KCNC2: variants seen among roughly 807,000 people sequenced by gnomAD.
KCNC2 encodes potassium voltage-gated channel subfamily C member 2.
In KCNC2, 21 loss-of-function variants were observed where a neutral mutation model predicts 44.5. The ratio of observed to expected loss-of-function variants is 0.47; its 90% CI spans 0.33 to 0.68. The LOEUF (loss-of-function observed/expected upper bound fraction) is 0.68, where lower values mean the gene tolerates loss of function less well. KCNC2 is among the 30% of genes least tolerant of loss of function. The probability of loss-of-function intolerance (pLI) is 0.01; values close to 1 mark genes in which losing one functional copy is unlikely to be tolerated. For missense variants in KCNC2, 589 were observed against 826.2 expected (o/e 0.71, Z 3.52); for synonymous variants, 391 against 339.1 (o/e 1.15, Z -1.68).
chr12:75,208,599 C>T (rs2031902778), intron 1 of KCNC2, among the ~76,000 whole-genome samples: 1 of 146,582 alleles, frequency 6.8e-6, no homozygotes, highest in Admixed American at 6.8e-5. Flanking sequence ...GTGAAGAGCC[C>T]GGATTCCACA....
At chr12:75,167,570 T>C (rs929397829) in intron 2 of KCNC2, among the ~76,000 whole-genome samples, 2 of 151,346 alleles carry the variant, frequency 1.3e-5, no homozygotes, top group African/African-American at 4.8e-5. Context: ...ATTTAATGTT[T>C]ATAAAATCCA....
intron 2 of KCNC2, among the ~76,000 whole-genome samples, chr12:75,189,742 G>T (rs2030012525): frequency 6.6e-6 from 1 of 152,142 alleles, no homozygotes; most frequent in Admixed American, 6.5e-5. Context: ...AATGGTATCA[G>T]GAATGTTGTC....
chr12:75,156,506 A>C (rs1224196314), intron 2 of KCNC2, among the ~76,000 whole-genome samples: 1 of 151,820 alleles, frequency 6.6e-6, no homozygotes, highest in African/African-American at 2.4e-5. Flanking sequence ...CCCATTACAG[A>C]AAAAGTGTAT....
At chr12:75,139,489 G>C (rs147907675) in intron 2 of KCNC2, among the ~76,000 whole-genome samples, 2 of 152,176 alleles carry the variant, frequency 1.3e-5, no homozygotes, top group Admixed American at 1.3e-4. Flanking sequence ...TGGAGATCAC[G>C]TTTGAGGATG....
At chr12:75,049,475 T>C (rs774991616) in intron 3 of KCNC2, among the ~76,000 whole-genome samples, 14 of 152,142 alleles carry the variant, frequency 9.2e-5, no homozygotes, top group Admixed American at 3.3e-4. Context: ...CAAAATATTT[T>C]ACCTGTACCA....
intron 2 of KCNC2, among the ~76,000 whole-genome samples, chr12:75,129,639 T>A (rs1392378029): frequency 1.3e-5 from 2 of 152,062 alleles, no homozygotes; most frequent in African/African-American, 4.8e-5. Context: ...GATGAGAAAG[T>A]AGAAACTGTA....
intron 2 of KCNC2, among the ~76,000 whole-genome samples, chr12:75,161,728 A>T (rs2137528545): frequency 6.6e-6 from 1 of 151,858 alleles, no homozygotes; most frequent in East Asian, 1.9e-4. Flanking sequence ...GCTCCCCTTC[A>T]GAGTCATGCA....
At chr12:75,172,791 G>A (rs79100218) in intron 2 of KCNC2, among the ~76,000 whole-genome samples, 1,696 of 151,920 alleles carry the variant, frequency 0.011, 35 homozygotes, top group African/African-American at 0.038. Flanking sequence ...CAACCGCAAG[G>A]CTACTATTCT....
intron 2 of KCNC2, among the ~76,000 whole-genome samples, chr12:75,201,775 T>G (rs542282827): frequency 7.9e-5 from 12 of 152,028 alleles, no homozygotes; most frequent in African/African-American, 2.9e-4. Flanking sequence ...AAAGAATATT[T>G]TGACTGCTCT....
rs144426503 is a variant in KCNC2, at chr12:75,128,535, A to T, written c.688-77218T>A. On this transcript the variant is annotated intron_variant, in intron 2 of 4. Transcript: ENST00000549446. Reference sequence around the variant, plus strand: ...AATTCTTTGTTCCCAAAGACAGCAGAGCATATTTGCACATCAGGATTTTTA... The same window carrying T: ...AATTCTTTGTTCCCAAAGACAGCAGTGCATATTTGCACATCAGGATTTTTA... Among the ~76,000 whole-genome samples, 609 of 152,252 alleles carry T rather than the reference A, an allele frequency of 4.0e-3. 7 individuals carry two copies. The highest frequency in any genetic ancestry group is 0.013 in the African/African-American group (558 of 41,550).
chr12:75,110,637 C>A (rs1053670438), intron 2 of KCNC2, among the ~76,000 whole-genome samples: 4 of 152,026 alleles, frequency 2.6e-5, no homozygotes, highest in Admixed American at 1.3e-4. Context: ...ATAAGTAGAT[C>A]TATATGGATG....
chr12:75,156,068 G>T (rs1890735687), intron 2 of KCNC2, among the ~76,000 whole-genome samples: 1 of 151,754 alleles, frequency 6.6e-6, no homozygotes, highest in African/African-American at 2.4e-5. Flanking sequence ...AGAGAAAGTT[G>T]TCTATTTCTA....
At chr12:75,154,963 G>T (rs1890656822) in intron 2 of KCNC2, among the ~76,000 whole-genome samples, 1 of 151,906 alleles carries the variant, frequency 6.6e-6, no homozygotes, top group African/African-American at 2.4e-5. Flanking sequence ...CTATAGAAAA[G>T]TATTTTTCAA....
chr12:75,074,370 G>A (rs1883717935), intron 2 of KCNC2, among the ~76,000 whole-genome samples: 1 of 151,346 alleles, frequency 6.6e-6, no homozygotes, highest in African/African-American at 2.4e-5. Context: ...CAGTGAAGAG[G>A]GTAGAAGAAA....
chr12:75,123,476 A>G (rs1888184714), intron 2 of KCNC2, among the ~76,000 whole-genome samples: 1 of 152,194 alleles, frequency 6.6e-6, no homozygotes, highest in South Asian at 2.1e-4. Flanking sequence ...CTCCTTTAGA[A>G]CTGAACAGGC....
At chr12:75,092,100 C>T (rs1423163121) in intron 2 of KCNC2, among the ~76,000 whole-genome samples, 1 of 151,586 alleles carries the variant, frequency 6.6e-6, no homozygotes, top group Non-Finnish European at 1.5e-5. Flanking sequence ...ATGCAGATTT[C>T]TGGAAGAATC....
chr12:75,171,613 A>G (rs971169332), intron 2 of KCNC2, among the ~76,000 whole-genome samples: 3 of 151,854 alleles, frequency 2.0e-5, no homozygotes, highest in African/African-American at 7.2e-5. Flanking sequence ...AGAATGGTGG[A>G]TATCAGAGGC....
intron 2 of KCNC2, among the ~76,000 whole-genome samples, chr12:75,120,160 A>G (rs753746667): frequency 1.1e-4 from 16 of 152,222 alleles, no homozygotes; most frequent in Non-Finnish European, 2.1e-4. Context: ...TTTGCATTTA[A>G]GGGGAATATA....
At chr12:75,081,683 T>C (rs1482848846) in intron 2 of KCNC2, among the ~76,000 whole-genome samples, 3 of 152,040 alleles carry the variant, frequency 2.0e-5, no homozygotes, top group Non-Finnish European at 4.4e-5. Context: ...AATAGAGTCA[T>C]ACTTATGTAA....
Sources: allele counts gnomAD v4.1 joint callset (sites outside exome capture counted in the v4.1 genomes callset), GRCh38; gene constraint gnomAD v4.1.1; transcripts MANE v1.5; gene names NCBI Gene and HGNC (gene_info 2026-07-23, HGNC 2026-07-21).